CNOT6: variants seen among roughly 807,000 people sequenced by gnomAD.
The protein encoded by CNOT6 is carbon catabolite repression 4 protein.
CNOT6 carries 12 observed loss-of-function variants against 61.2 expected under a neutral mutation model. That is an observed-to-expected ratio of 0.20 (90% CI 0.13 to 0.32). The LOEUF (loss-of-function observed/expected upper bound fraction) is 0.32, where lower values mean the gene tolerates loss of function less well. Ranked by LOEUF, CNOT6 falls within the 10% of genes least tolerant of loss-of-function variation. The probability of loss-of-function intolerance (pLI) is 1.00; values close to 1 mark genes in which losing one functional copy is unlikely to be tolerated. For missense variants in CNOT6, 405 were observed against 663.9 expected, an observed-to-expected ratio of 0.61 and a Z score of 4.28; for synonymous variants, 225 against 240.6, an observed-to-expected ratio of 0.94 and a Z score of 0.60.
At chr5:180,508,821 A>G (rs1371081025) in intron 1 of CNOT6, among the ~76,000 whole-genome samples, 1 of 125,450 alleles carries the variant, frequency 8.0e-6, no homozygotes, top group Non-Finnish European at 1.8e-5. Flanking sequence ...AATTAATTTT[A>G]TTATTATTAT....
At chr5:180,512,822 T>C (rs1291029371) in intron 1 of CNOT6, among the ~76,000 whole-genome samples, 1 of 152,158 alleles carries the variant, frequency 6.6e-6, no homozygotes, top group Non-Finnish European at 1.5e-5. Context: ...AGTCTTGAAC[T>C]CCTGACCTCA....
intron 2 of CNOT6, among the ~76,000 whole-genome samples, chr5:180,538,530 C>CA (rs886581013): frequency 1.3e-5 from 2 of 150,428 alleles, no homozygotes; most frequent in African/African-American, 4.9e-5. Context: ...TACTAAAATA[C>CA]AAAAAAAATT....
intron 1 of CNOT6, among the ~76,000 whole-genome samples, chr5:180,514,087 A>C (rs564134354): frequency 1.3e-5 from 2 of 151,834 alleles, no homozygotes; most frequent in South Asian, 4.2e-4. Context: ...CTCGGCCTCC[A>C]AATGTGCTGG....
intron 2 of CNOT6, among the ~76,000 whole-genome samples, chr5:180,547,816 C>A (rs779943464): frequency 6.6e-6 from 1 of 152,178 alleles, no homozygotes; most frequent in African/African-American, 2.4e-5. Flanking sequence ...CCACTGCAAC[C>A]GCCACCTCCC....
chr5:180,569,202 G>A lies in CNOT6; in HGVS notation c.1120G>A (p.Val374Ile), dbSNP rs1760622926. 6.2e-7 allele frequency: 1 copy of A among 1,614,116 alleles called. No individual in the cohort carries two copies. Among genetic ancestry groups the A allele is most frequent in the Non-Finnish European group, 8.5e-7 (1 of 1,179,966 alleles). Residue 374 changes from valine to isoleucine, a missense_variant, in exon 10 of 12, where the codon GTA (valine) becomes ATA (isoleucine). Coordinates refer to ENST00000261951, the MANE Select transcript of CNOT6 (RefSeq NM_001370472.1). Reference protein sequence around the residue: ...WDPEYSDVKLVQTMMFLSEVK... With the variant: ...WDPEYSDVKLIQTMMFLSEVK... ...CCCTGAATACTCTGATGTGAAGTTG[G>A]TACAAACTATGATGTTCCTCTCAGA...
intron 11 of CNOT6, among the ~76,000 whole-genome samples, chr5:180,573,261 G>A (rs756512354): frequency 3.9e-5 from 6 of 152,164 alleles, no homozygotes; most frequent in Non-Finnish European, 5.9e-5. Flanking sequence ...ATGCCATGGC[G>A]GGGTGCTGCT....
chr5:180,552,400 G>A (rs1172566405), intron 3 of CNOT6, among the ~76,000 whole-genome samples: 3 of 151,962 alleles, frequency 2.0e-5, no homozygotes, highest in African/African-American at 7.2e-5. Context: ...AGCACACTTT[G>A]GGAGGCCGAG....
chr5:180,572,871 A>G (rs1484751391), intron 11 of CNOT6, among the ~76,000 whole-genome samples: 2 of 152,080 alleles, frequency 1.3e-5, no homozygotes, highest in Non-Finnish European at 2.9e-5. Context: ...GCCCTTTTAA[A>G]CTACTTTTTG....
intron 1 of CNOT6, among the ~76,000 whole-genome samples, chr5:180,514,258 C>A (rs1160236965): frequency 1.3e-5 from 2 of 152,058 alleles, no homozygotes; most frequent in Non-Finnish European, 2.9e-5. Context: ...CCCGTCTCTA[C>A]TAAAAATACA....
chr5:180,511,114 T>C (rs539776791), intron 1 of CNOT6, among the ~76,000 whole-genome samples: 2 of 152,318 alleles, frequency 1.3e-5, no homozygotes. Context: ...CAGGCAGGTT[T>C]TTTTTGGCAT....
intron 7 of CNOT6, 62 bp from the exon 8 acceptor site, chr5:180,567,026 G>T: frequency 7.0e-7 from 1 of 1,426,668 alleles, no homozygotes; most frequent in Non-Finnish European, 9.6e-7. Flanking sequence ...ACTATACATA[G>T]AAGTTAATAT....
chr5:180,549,874 C>G, intron 2 of CNOT6, 57 bp from the exon 3 acceptor site: 1 of 1,303,630 alleles, frequency 7.7e-7, no homozygotes, highest in Non-Finnish European at 1.1e-6. Flanking sequence ...CTGAAATCTA[C>G]AGAACAAAAT....
rs1760966114 is a variant in CNOT6, at chr5:180,575,576, T to A, written c.*1376T>A. 1 of 152,588 alleles carries A rather than the reference T, an allele frequency of 6.6e-6. No individual in the cohort carries two copies. Among genetic ancestry groups the A allele is most frequent in the South Asian group, 2.1e-4 (1 of 4,822 alleles). 9.5% of individuals were successfully genotyped at this position (152,588 alleles called of 1,614,324 possible). A position where few individuals can be genotyped will look rare whatever the true frequency, so the allele number is the denominator to read the frequency against. The stretch of plus-strand genomic sequence containing the variant: ...GTCCCTAAGACAATTCTTCAGATCA[T>A]TTTTAAAATGACTAAGTCATTTTAG... On this transcript the variant is annotated 3_prime_UTR_variant, in exon 12 of 12. Coordinates refer to ENST00000261951, the MANE Select transcript of CNOT6 (RefSeq NM_001370472.1).
chr5:180,566,401 T>G (rs769213936), intron 7 of CNOT6, among the ~76,000 whole-genome samples: 4 of 152,210 alleles, frequency 2.6e-5, no homozygotes, highest in Non-Finnish European at 5.9e-5. Context: ...GTCACTCATA[T>G]GATCTTGAAC....
At position 180,577,375 on chromosome 5, in the gene CNOT6, T is replaced by G. The variant is rs1761057446; in HGVS notation, c.*3175T>G. 6.6e-6 allele frequency: 1 copy of G among 152,624 alleles called. No individual in the cohort carries two copies. Among genetic ancestry groups the G allele is most frequent in the Non-Finnish European group, 1.5e-5 (1 of 68,048 alleles). The allele number at this position is 152,624 out of a possible 1,614,324, so 9.5% of individuals were successfully genotyped here. ...CAAGTTTTAGAGTTTCACTTTGTAC[T>G]ATTTAAATTTATGGAACTAGTTTCC... On this transcript the variant is annotated 3_prime_UTR_variant, in exon 12 of 12. Coordinates refer to ENST00000261951, the MANE Select transcript of CNOT6 (RefSeq NM_001370472.1).
At chr5:180,511,503 C>T (rs759293178) in intron 1 of CNOT6, among the ~76,000 whole-genome samples, 9 of 151,670 alleles carry the variant, frequency 5.9e-5, no homozygotes, top group Admixed American at 2.0e-4. Flanking sequence ...TCCAGCTACT[C>T]GGGAGGCTGA....
At chr5:180,572,502 T>A (rs1760801281) in intron 11 of CNOT6, among the ~76,000 whole-genome samples, 1 of 152,082 alleles carries the variant, frequency 6.6e-6, no homozygotes, top group Non-Finnish European at 1.5e-5. Flanking sequence ...ACTTACACCA[T>A]TTTTAACGTT....
rs202186349 is a variant in CNOT6, at chr5:180,571,186, T to G, written c.1259-44T>G. Reference sequence around the variant, plus strand: ...CTATTGCATGATCTTTTAAAATTACTTTTTGTATATATTTGACAATAAAAA... The same window carrying G: ...CTATTGCATGATCTTTTAAAATTACGTTTTGTATATATTTGACAATAAAAA... On this transcript the variant is annotated intron_variant, in intron 10 of 11. Coordinates refer to ENST00000261951, the MANE Select transcript of CNOT6 (RefSeq NM_001370472.1). The G allele has an allele frequency of 6.8e-4, 905 of 1,340,094 alleles. 4 individuals carry two copies. The highest frequency in any genetic ancestry group is 4.0e-4 in the Non-Finnish European group (380 of 945,722). 83.0% of individuals were successfully genotyped at this position (1,340,094 alleles called of 1,614,324 possible). A position where few individuals can be genotyped will look rare whatever the true frequency, so the allele number is the denominator to read the frequency against.
chr5:180,505,036 G>T (rs1757059698), intron 1 of CNOT6, among the ~76,000 whole-genome samples: 1 of 140,954 alleles, frequency 7.1e-6, no homozygotes, highest in Admixed American at 7.9e-5. Flanking sequence ...TTGACTCGCT[G>T]CAAGCTCTGC....
Sources: gnomAD v4.1 joint callset for allele counts (sites outside exome capture counted in the v4.1 genomes callset) on GRCh38, gnomAD v4.1.1 for gene constraint, MANE v1.5 for transcripts, NCBI Gene and HGNC (gene_info 2026-07-23, HGNC 2026-07-21) for gene names.